Variants in SEC14L1 observed in about 807,000 individuals in gnomAD.
The protein encoded by SEC14L1 is SEC14-like protein 1.
Under a neutral mutation model 85.3 loss-of-function variants are expected in SEC14L1, and 48 were observed. That is an observed-to-expected ratio of 0.56 (90% CI 0.45 to 0.72). The LOEUF is 0.72. Ranked by LOEUF, SEC14L1 falls within the 30% of genes least tolerant of loss-of-function variation. The pLI is 0.00. For synonymous variants in SEC14L1, 391 were observed against 355.5 expected, an observed-to-expected ratio of 1.10 and a Z score of -1.12; for missense variants, 682 against 921.4, an observed-to-expected ratio of 0.74 and a Z score of 3.36.
intron 3 of SEC14L1, among the ~76,000 whole-genome samples, chr17:77,150,187 C>T (rs1973492929): frequency 6.6e-6 from 1 of 152,130 alleles, no homozygotes; most frequent in South Asian, 2.1e-4. Flanking sequence ...TGTCTCATGT[C>T]TTCCCATTAA....
At chr17:77,194,209 T>C (rs1432261152) in intron 6 of SEC14L1, among the ~76,000 whole-genome samples, 1 of 152,208 alleles carries the variant, frequency 6.6e-6, no homozygotes, top group Non-Finnish European at 1.5e-5. Flanking sequence ...GCATTTGGCC[T>C]TTTCTTTTTT....
chr17:77,123,195 G>T (rs1268311275), intron 3 of SEC14L1, among the ~76,000 whole-genome samples: 1 of 150,748 alleles, frequency 6.6e-6, no homozygotes, highest in Admixed American at 6.6e-5. Context: ...GACTACAGGT[G>T]CTCGCCACCA....
At chr17:77,187,315 C>T (rs1187924698) in intron 3 of SEC14L1, among the ~76,000 whole-genome samples, 1 of 152,080 alleles carries the variant, frequency 6.6e-6, no homozygotes, top group Non-Finnish European at 1.5e-5. Context: ...CAGGGGCAGG[C>T]ACTGGGTTTC....
intron 3 of SEC14L1, among the ~76,000 whole-genome samples, chr17:77,156,364 C>G (rs1973817455): frequency 6.6e-6 from 1 of 152,136 alleles, no homozygotes; most frequent in South Asian, 2.1e-4. Flanking sequence ...CACTTGAGGT[C>G]AGGAGTTTGA....
chr17:77,216,554 G>A lies in SEC14L1; in HGVS notation c.*2531G>A, dbSNP rs200554963. On this transcript the variant is annotated 3_prime_UTR_variant, in exon 17 of 17. Coordinates refer to ENST00000436233, the MANE Select transcript of SEC14L1 (RefSeq NM_001143998.2). The stretch of plus-strand genomic sequence containing the variant: ...TCTCTTTCTCTGTGTCTCAGATGGC[G>A]ATTTTGCTGACAGCTGCCAAGAAAA... 8 of 1,613,292 alleles carry A rather than the reference G, an allele frequency of 5.0e-6. No homozygotes were observed. Among genetic ancestry groups the A allele is most frequent in the African/African-American group, 2.7e-5 (2 of 74,902 alleles).
At chr17:77,151,810 C>G (rs1026419816) in intron 3 of SEC14L1, among the ~76,000 whole-genome samples, 6 of 152,158 alleles carry the variant, frequency 3.9e-5, no homozygotes, top group African/African-American at 1.4e-4. Context: ...TGAGACCAGC[C>G]TGGGCAACGT....
chr17:77,212,486 AT>A (rs1356151170), intron 15 of SEC14L1, among the ~76,000 whole-genome samples: 1 of 151,914 alleles, frequency 6.6e-6, no homozygotes, highest in African/African-American at 2.4e-5. Context: ...GCTTCATAGG[AT>A]TTTTCCCCCC....
At chr17:77,195,122 A>T in intron 7 of SEC14L1, 1 of 567,670 alleles carries the variant, frequency 1.8e-6, no homozygotes, top group East Asian at 2.9e-5. Context: ...AGGAAGGATT[A>T]TATCAAGTTA....
intron 1 of SEC14L1, chr17:77,089,057 G>A (rs553327173): frequency 1.0e-5 from 2 of 195,746 alleles, no homozygotes; most frequent in South Asian, 1.2e-4. Flanking sequence ...AAAGCATTGG[G>A]GTCCCTGGCT....
At chr17:77,145,918 G>A (rs907779617) in intron 3 of SEC14L1, among the ~76,000 whole-genome samples, 1 of 152,232 alleles carries the variant, frequency 6.6e-6, no homozygotes, top group African/African-American at 2.4e-5. Flanking sequence ...TGTGGCTTCA[G>A]CTCGAGGACG....
At chr17:77,123,132 C>G (rs563470102) in intron 3 of SEC14L1, among the ~76,000 whole-genome samples, 1 of 151,976 alleles carries the variant, frequency 6.6e-6, no homozygotes, top group East Asian at 1.9e-4. Context: ...TCACTGAAAC[C>G]TCCGCCTCCC....
rs1334839409 is a variant in SEC14L1, at chr17:77,194,906, C to A, written c.704C>A (p.Pro235His). 6.2e-7 allele frequency: 1 copy of A among 1,612,718 alleles called. No individual in the cohort carries two copies. The change falls in exon 7 of 17, where the codon CCT (proline) becomes CAT (histidine). Residue 235 changes from proline (P) to histidine (H), a missense_variant. Pro to His is a moderately conservative substitution (Grantham distance 77, BLOSUM62 -2). Transcript: ENST00000436233. ...PSAPEPVVGT[P>H]DDKLDADYIK... The stretch of plus-strand genomic sequence containing the variant: ...GCACCTGAGCCCGTGGTGGGCACCC[C>A]TGACGGTGGGTCTGGCAGGGGCTTC...
chr17:77,145,746 G>C (rs1973272011), intron 3 of SEC14L1, among the ~76,000 whole-genome samples: 1 of 152,182 alleles, frequency 6.6e-6, no homozygotes, highest in African/African-American at 2.4e-5. Context: ...GGGATGGGCT[G>C]AGCTCCAGAG....
intron 3 of SEC14L1, among the ~76,000 whole-genome samples, chr17:77,105,605 T>G (rs553348363): frequency 4.6e-5 from 7 of 152,212 alleles, no homozygotes; most frequent in Middle Eastern, 3.4e-3. Flanking sequence ...AACTTTACCC[T>G]CATGTTCATG....
At chr17:77,106,266 G>A (rs185657003) in intron 3 of SEC14L1, among the ~76,000 whole-genome samples, 2 of 152,218 alleles carry the variant, frequency 1.3e-5, no homozygotes, top group East Asian at 3.9e-4. Flanking sequence ...AGGTGTGGTG[G>A]CTCACACCTG....
Position 77,213,307 on chromosome 17 carries a change from G to T in SEC14L1, c.1864-7G>T. 1 of 1,601,358 alleles carries T rather than the reference G, an allele frequency of 6.2e-7. No individual in the cohort carries two copies. The highest frequency in any genetic ancestry group is 8.5e-7 in the Non-Finnish European group (1 of 1,173,852). On this transcript the variant is annotated splice_polypyrimidine_tract_variant and splice_region_variant and intron_variant, in intron 15 of 16. Transcript: ENST00000436233. The surrounding 1 kb of genome is among the most constrained non-coding windows in gnomAD (Gnocchi z 7.1). ...GCCCTCAGCTGCCACTGCCCTACTT[G>T]TTCTAGGGTTCCCATGTGACCAGGT...
chr17:77,172,560 A>G (rs922373548), intron 3 of SEC14L1, among the ~76,000 whole-genome samples: 1 of 152,144 alleles, frequency 6.6e-6, no homozygotes, highest in Non-Finnish European at 1.5e-5. Context: ...CTTTTCGTAC[A>G]TATACCTTTT....
upstream of SEC14L1, among the ~76,000 whole-genome samples, chr17:77,138,005 G>C (rs189832061): frequency 2.0e-5 from 3 of 152,246 alleles, no homozygotes; most frequent in East Asian, 5.8e-4. Flanking sequence ...AGTTTTTAAA[G>C]ACAACTTGGT....
rs1290729496 is a variant in SEC14L1 at position 77,198,565 on chromosome 17, G to GTATGAGATC, written c.820-1917_820-1909dup. On this transcript the variant is annotated intron_variant, in intron 8 of 16. Coordinates refer to ENST00000436233, the MANE Select transcript of SEC14L1 (RefSeq NM_001143998.2). ...GATGGTTCATGATCTGAATTCTGGT[G>GTATGAGATC]TATGAGATCTCTTTTTTTTTTTTTT... 5.3e-5 allele frequency among the ~76,000 whole-genome samples: 8 copies of GTATGAGATC among 151,758 alleles called. No individual in the cohort carries two copies. The East Asian group carries it at 1.6e-3, about 29-fold the overall frequency.
Sources: allele counts gnomAD v4.1 joint callset (sites outside exome capture counted in the v4.1 genomes callset), GRCh38; gene constraint gnomAD v4.1.1; non-coding constraint Gnocchi (gnomAD v3.1); transcripts MANE v1.5; gene names NCBI Gene and HGNC (gene_info 2026-07-23, HGNC 2026-07-21).